SHANK2: variants seen among roughly 807,000 people sequenced by gnomAD.
The protein encoded by SHANK2 is SH3 and multiple ankyrin repeat domains protein 2.
SHANK2 carries 43 observed loss-of-function variants against 133.7 expected under a neutral mutation model. That is an observed-to-expected ratio of 0.32 (90% CI 0.25 to 0.41). The LOEUF (loss-of-function observed/expected upper bound fraction) is 0.41, where lower values mean the gene tolerates loss of function less well. SHANK2 is among the 10% of genes least tolerant of loss of function. SHANK2 has a pLI of 1.00. For synonymous variants in SHANK2, 1,017 were observed against 952.8 expected, an observed-to-expected ratio of 1.07 and a Z score of -1.24; for missense variants, 1,994 against 2,235.8, an observed-to-expected ratio of 0.89 and a Z score of 2.18.
At chr11:70,891,425 C>A (rs1464304617) in intron 11 of SHANK2, among the ~76,000 whole-genome samples, 2 of 152,126 alleles carry the variant, frequency 1.3e-5, no homozygotes, top group Non-Finnish European at 2.9e-5. Flanking sequence ...TGGCGTGAAC[C>A]CGGGAGGCGG....
At chr11:70,686,329 C>G (rs1354576751) in intron 15 of SHANK2, among the ~76,000 whole-genome samples, 4 of 147,656 alleles carry the variant, frequency 2.7e-5, no homozygotes, top group Non-Finnish European at 6.0e-5. Context: ...ATCTACCCAT[C>G]CATCCACTCA....
intron 3 of SHANK2, among the ~76,000 whole-genome samples, chr11:71,127,338 G>A (rs1555102891): frequency 6.6e-6 from 1 of 152,210 alleles, no homozygotes; most frequent in East Asian, 1.9e-4. Context: ...CATAAACTCA[G>A]TGGATAAAGC....
chr11:70,914,627 G>C (rs1950242153), intron 10 of SHANK2, among the ~76,000 whole-genome samples: 1 of 133,298 alleles, frequency 7.5e-6, no homozygotes, highest in Non-Finnish European at 1.6e-5. Context: ...AGACCGGCCT[G>C]GGCAAGGTCT....
chr11:70,879,485 G>A (rs1446274121), intron 11 of SHANK2, among the ~76,000 whole-genome samples: 1 of 152,216 alleles, frequency 6.6e-6, no homozygotes, highest in Non-Finnish European at 1.5e-5. Flanking sequence ...ATCTGTGGTG[G>A]CTTCTGAGGC....
chr11:71,155,927 G>A (rs1340295789), intron 2 of SHANK2, among the ~76,000 whole-genome samples: 1 of 152,200 alleles, frequency 6.6e-6, no homozygotes, highest in Non-Finnish European at 1.5e-5. Flanking sequence ...CTTTAAAAAG[G>A]TACTTAAGGT....
intron 11 of SHANK2, chr11:70,826,611 G>A (rs1183083009): frequency 1.3e-5 from 6 of 458,858 alleles, no homozygotes; most frequent in African/African-American, 1.2e-4. Context: ...TGGGACCCGG[G>A]GAGAGGTGGC....
intron 9 of SHANK2, among the ~76,000 whole-genome samples, chr11:71,060,496 C>T (rs1023574930): frequency 1.8e-4 from 28 of 152,366 alleles, no homozygotes; most frequent in Admixed American, 2.6e-4. Flanking sequence ...TTCAGGGTCT[C>T]GTCCCTGGAA....
intron 11 of SHANK2, among the ~76,000 whole-genome samples, chr11:70,848,559 T>C (rs1312953013): frequency 6.6e-6 from 1 of 152,216 alleles, no homozygotes; most frequent in African/African-American, 2.4e-5. Context: ...ACTGCAGGCC[T>C]TATCAGGACC....
chr11:71,209,226 C>T (rs1954198121), intron 2 of SHANK2, among the ~76,000 whole-genome samples: 1 of 152,210 alleles, frequency 6.6e-6, no homozygotes, highest in Non-Finnish European at 1.5e-5. Flanking sequence ...AAATGTCGCT[C>T]TGGGTGAGGA....
intron 15 of SHANK2, among the ~76,000 whole-genome samples, chr11:70,687,798 G>A (rs138625450): frequency 3.9e-4 from 59 of 152,326 alleles, no homozygotes; most frequent in African/African-American, 1.4e-3. Context: ...AGCAAGGCAG[G>A]CCTCTGGGAG....
At chr11:70,598,122 G>A (rs900759950) in intron 17 of SHANK2, among the ~76,000 whole-genome samples, 33 of 152,346 alleles carry the variant, frequency 2.2e-4, no homozygotes, top group Non-Finnish European at 4.1e-4. Context: ...TCCAGAGCCA[G>A]CAGGGGAACG....
chr11:71,150,583 A>G (rs1952777906), intron 2 of SHANK2, among the ~76,000 whole-genome samples: 1 of 151,976 alleles, frequency 6.6e-6, no homozygotes, highest in African/African-American at 2.4e-5. Flanking sequence ...CTAGCTATAA[A>G]CCAAAATATA....
At chr11:71,069,339 A>G (rs1951111574) in intron 9 of SHANK2, among the ~76,000 whole-genome samples, 1 of 151,432 alleles carries the variant, frequency 6.6e-6, no homozygotes, top group African/African-American at 2.4e-5. Context: ...CATCATCACC[A>G]CCTTCATCAT....
intron 17 of SHANK2, among the ~76,000 whole-genome samples, chr11:70,609,608 C>A (rs1056039419): frequency 6.6e-6 from 1 of 151,406 alleles, no homozygotes; most frequent in Admixed American, 6.6e-5. Flanking sequence ...ACAAATGATG[C>A]GGGATATATG....
Position 70,784,777 on chromosome 11 carries a change from C to T in SHANK2, c.1777+13666G>A, listed in dbSNP as rs76742649. On this transcript the variant is annotated intron_variant, in intron 14 of 25. Coordinates refer to ENST00000601538, the MANE Select transcript of SHANK2 (RefSeq NM_012309.5). ...GGAAGTCAGGACTCCTCTGGCTTCC[C>T]CATCTCGGTAAATGTCAGGGCCTCT... Among the ~76,000 whole-genome samples the T allele has an allele frequency of 6.5e-3, 986 of 152,236 alleles. 8 individuals are homozygous for T. The highest frequency in any genetic ancestry group is 0.023 in the African/African-American group (937 of 41,560).
intron 11 of SHANK2, among the ~76,000 whole-genome samples, chr11:70,836,415 T>C (rs3019840): frequency 0.84 from 127,267 of 152,216 alleles, 53,818 homozygotes; most frequent in African/African-American, 0.95. Context: ...GCAGCTGTCT[T>C]GAAGGCCAGC....
intron 10 of SHANK2, among the ~76,000 whole-genome samples, chr11:70,901,127 C>G (rs1338040333): frequency 6.6e-6 from 1 of 152,106 alleles, no homozygotes; most frequent in Non-Finnish European, 1.5e-5. Context: ...GAAACTGAGG[C>G]ACAGAGCGAT....
chr11:70,834,541 T>C (rs561788786), intron 11 of SHANK2, among the ~76,000 whole-genome samples: 1 of 152,298 alleles, frequency 6.6e-6, no homozygotes, highest in African/African-American at 2.4e-5. Flanking sequence ...TAGAGCGGGA[T>C]TCTTCCTGCC....
At chr11:71,081,809 GC>G (rs1450929280) in intron 8 of SHANK2, among the ~76,000 whole-genome samples, 7 of 152,336 alleles carry the variant, frequency 4.6e-5, no homozygotes, top group African/African-American at 1.7e-4. Context: ...CACTGTTGCG[GC>G]TCCAGACACG....
Sources: gnomAD v4.1 joint callset for allele counts (sites outside exome capture counted in the v4.1 genomes callset) on GRCh38, gnomAD v4.1.1 for gene constraint, MANE v1.5 for transcripts, NCBI Gene and HGNC (gene_info 2026-07-23, HGNC 2026-07-21) for gene names.